Variants in AARS2 observed in about 807,000 individuals in gnomAD.
AARS2 encodes the protein alanyl-tRNA synthetase 2, mitochondrial.
A neutral mutation model predicts 119.7 loss-of-function variants in AARS2; 78 were observed. The observed-to-expected ratio is 0.65, with a 90% CI of 0.54 to 0.79. The LOEUF is 0.79. AARS2 is among the 30% of genes least tolerant of loss of function. The pLI is 0.00. For synonymous variants in AARS2, 502 were observed against 526.3 expected (o/e 0.95, Z 0.63); for missense variants, 1,157 against 1,291.3 (o/e 0.90, Z 1.59).
chr6:44,300,486 T>C lies in AARS2; in HGVS notation c.*61A>G. On this transcript the variant is annotated 3_prime_UTR_variant, in exon 22 of 22. Transcript: ENST00000244571. The stretch of plus-strand genomic sequence containing the variant: ...GCTTCAGCATGTGGGAAGGTTCTGC[T>C]GGCTCCTTCAGGGCTCCTGGCATTG... 2 of 1,609,020 alleles carry C rather than the reference T, an allele frequency of 1.2e-6. No homozygotes were observed. The highest frequency in any genetic ancestry group is 1.7e-5 in the Admixed American group (1 of 60,018).
At chr6:44,312,491 G>A (rs900939615) in intron 1 of AARS2, among the ~76,000 whole-genome samples, 1 of 152,166 alleles carries the variant, frequency 6.6e-6, no homozygotes, top group East Asian at 1.9e-4. Context: ...GAGACCCTCT[G>A]CCTAGTAAAA....
intron 5 of AARS2, among the ~76,000 whole-genome samples, chr6:44,310,065 A>C (rs1786213832): frequency 6.6e-6 from 1 of 152,206 alleles, no homozygotes; most frequent in African/African-American, 2.4e-5. Context: ...GATTTAACAT[A>C]AAGTAAGCAC....
At position 44,300,507 on chromosome 6, in the gene AARS2, C is replaced by A. The variant is rs758172170; in HGVS notation, c.*40G>T. Reference sequence around the variant, plus strand: ...CTGCTGGCTCCTTCAGGGCTCCTGGCATTGCCTTTAGTCCATGTGGGTCCC... The same window carrying A: ...CTGCTGGCTCCTTCAGGGCTCCTGGAATTGCCTTTAGTCCATGTGGGTCCC... On this transcript the variant is annotated 3_prime_UTR_variant, in exon 22 of 22. Transcript: ENST00000244571. The A allele has an allele frequency of 6.2e-7, 1 of 1,613,478 alleles. No individual in the cohort carries two copies. The highest frequency in any genetic ancestry group is 1.1e-5 in the South Asian group (1 of 91,088).
rs1005407962 is a variant in AARS2 at position 44,303,476 on chromosome 6, TCTAA to T, written c.2008-57_2008-54del. 4.3e-5 allele frequency: 70 copies of T among 1,612,898 alleles called. No individual in the cohort carries two copies. In the African/African-American group the frequency reaches 8.5e-4, roughly 20 times the overall value. On this transcript the variant is annotated intron_variant, in intron 14 of 21. Transcript: ENST00000244571. ...ACCAACATGCAGTCAGCCCCACACC[TCTAA>T]CTGATGCATTGAAACACGGTCAATG... is the stretch of plus-strand genomic sequence containing the variant.
In AARS2 at chr6:44,310,279, G is replaced by A. The variant is rs777273191; in HGVS notation, c.894+20C>T. The A allele has an allele frequency of 4.4e-6, 7 of 1,578,370 alleles. No homozygotes were observed. The South Asian group carries it at 8.1e-5, about 18-fold the overall frequency. On this transcript the variant is annotated intron_variant, in intron 5 of 21. Transcript: ENST00000244571. Reference sequence around the variant, plus strand: ...GTGAAGAGCAGGTTAGAGGGCTTCTGGAAGGGAAGAGGCACTCACCTGCTG... The same window carrying A: ...GTGAAGAGCAGGTTAGAGGGCTTCTAGAAGGGAAGAGGCACTCACCTGCTG...
rs1323288055 is a variant in AARS2, at chr6:44,304,924, GCTGGGGGCCACAGAGACCCCT to G, written c.1579+109_1580-108del. 18 of 1,604,950 alleles carry G rather than the reference GCTGGGGGCCACAGAGACCCCT, an allele frequency of 1.1e-5. No homozygotes were observed. The East Asian group carries it at 4.0e-4, about 36-fold the overall frequency. Reference sequence around the variant, plus strand: ...ACCCCCGCTGGCAGGGGCACTTCCAGCTGGGGGCCACAGAGACCCCTGGTGGCCATCCTGGGGAATACATAG... The same window carrying G: ...ACCCCCGCTGGCAGGGGCACTTCCAGGGTGGCCATCCTGGGGAATACATAG... On this transcript the variant is annotated intron_variant, in intron 11 of 21. Transcript: ENST00000244571.
At chr6:44,304,940 A>T in intron 11 of AARS2, 114 bp downstream of exon 11, 1 of 1,601,076 alleles carries the variant, frequency 6.2e-7, no homozygotes. Flanking sequence ...GGCCACAGAG[A>T]CCCCTGGTGG....
chr6:44,306,739 C>A (rs565415734), intron 7 of AARS2, among the ~76,000 whole-genome samples, 184 bp downstream of exon 7: 16 of 152,260 alleles, frequency 1.1e-4, no homozygotes, highest in African/African-American at 3.9e-4. Context: ...GAAAAGGAGC[C>A]TCCTCAAGTT....
chr6:44,302,888 C>A lies in AARS2; in HGVS notation c.2278G>T (p.Val760Leu), dbSNP rs544243571. Residue 760 changes from valine to leucine, a missense_variant, in exon 17 of 22, where the codon GTA becomes TTA. By Grantham distance (32) the Val-to-Leu change is conservative (BLOSUM62 1). Coordinates refer to ENST00000244571, the MANE Select transcript of AARS2 (RefSeq NM_020745.4). ...TCCCCGATGATAACCAGGTCCCCTA[C>A]AGCCCCAGTACGTAACAGGTGCCTG... is the stretch of plus-strand genomic sequence containing the variant. ...CGTHLLRTGA[V>L]GDLVIIGDRQ... 2 of 1,614,172 alleles carry A rather than the reference C, an allele frequency of 1.2e-6. No homozygotes were observed. The highest frequency in any genetic ancestry group is 2.2e-5 in the South Asian group (2 of 91,082).
chr6:44,305,027 G>A lies in AARS2; in HGVS notation c.1579+27C>T, dbSNP rs752655072. The A allele has an allele frequency of 6.2e-7, 1 of 1,614,118 alleles. No individual in the cohort carries two copies. The highest frequency in any genetic ancestry group is 1.1e-5 in the South Asian group (1 of 91,082). On this transcript the variant is annotated intron_variant, in intron 11 of 21. Coordinates refer to ENST00000244571, the MANE Select transcript of AARS2 (RefSeq NM_020745.4). This position sits in a 1 kb window ranked among gnomAD's most constrained non-coding sequence, Gnocchi z 4.6. Reference sequence around the variant, plus strand: ...TTAGTCATGGTCAGGCAAGCTTGTGGCGGCAGGCCTTGGTCCAGGCTCTCA... The same window carrying A: ...TTAGTCATGGTCAGGCAAGCTTGTGACGGCAGGCCTTGGTCCAGGCTCTCA...
Position 44,300,768 on chromosome 6 carries a change from A to C in AARS2, c.2794-57T>G, listed in dbSNP as rs570015024. ...AGAGTGGCCCTCCCTGCCAGCATCC[A>C]CTCAAGGTACCCTCAAGAGTGGAGC... is the stretch of plus-strand genomic sequence containing the variant. On this transcript the variant is annotated intron_variant, in intron 21 of 21. Transcript: ENST00000244571. 79 of 1,588,070 alleles carry C rather than the reference A, an allele frequency of 5.0e-5. No homozygotes were observed. In the South Asian group the frequency reaches 7.7e-4, roughly 15 times the overall value.
At position 44,299,319 on chromosome 6, in the gene AARS2, C is replaced by T. The variant is rs558424002; in HGVS notation, c.*1228G>A. On this transcript the variant is annotated 3_prime_UTR_variant, in exon 22 of 22. Transcript: ENST00000244571. ...CTGGAGTGCAGTGGTGCAATCATAG[C>T]TCACTGCGGCCTTGAATTCCTGGGC... is the stretch of plus-strand genomic sequence containing the variant. Among the ~76,000 whole-genome samples, 4 of 152,192 alleles carry T rather than the reference C, an allele frequency of 2.6e-5. No individual in the cohort carries two copies. The highest frequency in any genetic ancestry group is 2.6e-4 in the Admixed American group (4 of 15,282).
At position 44,303,404 on chromosome 6, in the gene AARS2, T is replaced by G. The variant is rs1561938413; in HGVS notation, c.2027A>C (p.Gln676Pro). Residue 676 changes from glutamine (Q) to proline (P), a missense_variant, in exon 15 of 22, where the codon CAG becomes CCG. Coordinates refer to ENST00000244571, the MANE Select transcript of AARS2 (RefSeq NM_020745.4). Reference sequence around the variant, plus strand: ...CACAGTGTTCTCCACTGCCCGGAGCTGCTCTGGGGTCAATGGGGTCTGGAG... The same window carrying G: ...CACAGTGTTCTCCACTGCCCGGAGCGGCTCTGGGGTCAATGGGGTCTGGAG... ...VTTQTPLTPE[Q>P]LRAVENTVQE... 1 of 1,613,966 alleles carries G rather than the reference T, an allele frequency of 6.2e-7. No individual in the cohort carries two copies.
rs776625255 is a variant in AARS2 at position 44,302,836 on chromosome 6, CG to C, written c.2329del (p.Arg777AlafsTer16). The C allele has an allele frequency of 6.2e-7, 1 of 1,613,988 alleles. No individual in the cohort carries two copies. Among genetic ancestry groups the C allele is most frequent in the Non-Finnish European group, 8.5e-7 (1 of 1,180,014 alleles). On this transcript the variant is annotated frameshift_variant, in exon 17 of 22. Transcript: ENST00000244571. LOFTEE classifies it high-confidence loss of function. ...CTGCTCCCCAGTGACGGCCAGCAGG[CG>C]GGTAGTGCCCTTGGAAAGCTGGCGG... ...GDRQLSKGTT[R>X]LLAVTGEQAQ...
chr6:44,307,215 G>A lies in AARS2; in HGVS notation c.1040+34C>T. The A allele has an allele frequency of 6.2e-7, 1 of 1,613,612 alleles. No homozygotes were observed. On this transcript the variant is annotated intron_variant, in intron 6 of 21. Transcript: ENST00000244571. The surrounding 1 kb of genome is among the most constrained non-coding windows in gnomAD (Gnocchi z 4.4). ...CCTCCTCCACCTGAGACCCCCAGCA[G>A]CCCCTGTCCTCTCTGTAGCCCTTCC...
intron 5 of AARS2, among the ~76,000 whole-genome samples, chr6:44,308,923 CTG>C (rs1290633925): frequency 6.6e-5 from 10 of 152,198 alleles, no homozygotes; most frequent in African/African-American, 2.2e-4. Context: ...TCTCACCACT[CTG>C]AGAATCAAGG....
intron 3 of AARS2, 24 bp from the exon 4 acceptor site, chr6:44,311,185 G>A (rs1786319941): frequency 6.2e-7 from 1 of 1,613,914 alleles, no homozygotes; most frequent in Non-Finnish European, 8.5e-7. Context: ...CAGGTGAGTG[G>A]TGGGAGACAG....
chr6:44,311,008 G>C lies in AARS2; in HGVS notation c.735C>G (p.Phe245Leu). The change falls in exon 4 of 22, where the codon TTC (phenylalanine) becomes TTG (leucine). Residue 245 changes from phenylalanine to leucine, a missense_variant. Physicochemically the swap from Phe to Leu is conservative, Grantham distance 22 (BLOSUM62 0). Transcript: ENST00000244571. Reference sequence around the variant, plus strand: ...CACCCTATTACCTGTTGTGTTGCATGAAGACCAGGTTCCAAAGCTCTACCA... The same window carrying C: ...CACCCTATTACCTGTTGTGTTGCATCAAGACCAGGTTCCAAAGCTCTACCA... ...PQLVELWNLV[F>L]MQHNREADGS... 1 of 1,613,960 alleles carries C rather than the reference G, an allele frequency of 6.2e-7. No homozygotes were observed.
intron 18 of AARS2, 25 bp from the exon 19 acceptor site, chr6:44,302,195 C>T (rs750448749): frequency 5.0e-6 from 8 of 1,613,172 alleles, no homozygotes; most frequent in South Asian, 1.1e-5. Flanking sequence ...AGTACATCAC[C>T]CCTGCCCTTC....
Sources: gnomAD v4.1 joint callset for allele counts (sites outside exome capture counted in the v4.1 genomes callset) on GRCh38, gnomAD v4.1.1 for gene constraint, Gnocchi (gnomAD v3.1) non-coding constraint, MANE v1.5 for transcripts, NCBI Gene and HGNC (gene_info 2026-07-23, HGNC 2026-07-21) for gene names.